The following ANK2 variants were observed in gnomAD, a reference collection of about 807,000 sequenced individuals.
ANK2 encodes ankyrin-2.
Under a neutral mutation model 360.5 loss-of-function variants are expected in ANK2, and 83 were observed. The observed-to-expected ratio is 0.23, with a 90% confidence interval of 0.19 to 0.28. The LOEUF (loss-of-function observed/expected upper bound fraction) is 0.28, where lower values mean the gene tolerates loss of function less well. Ranked by LOEUF, ANK2 falls within the 10% of genes least tolerant of loss-of-function variation. The pLI, the probability that ANK2 is intolerant of heterozygous loss-of-function variation, is 1.00. For missense variants in ANK2, 4,201 were observed against 4,795.7 expected (o/e 0.88, Z 3.66); for synonymous variants, 1,740 against 1,759.5 (o/e 0.99, Z 0.28).
chr4:113,231,175 C>G (rs748505161), intron 4 of ANK2, among the ~76,000 whole-genome samples: 1 of 151,936 alleles, frequency 6.6e-6, no homozygotes, highest in Non-Finnish European at 1.5e-5. Context: ...CCTCAGCCTC[C>G]CGAGTAGCTG....
intron 4 of ANK2, among the ~76,000 whole-genome samples, chr4:113,212,855 T>C (rs1456886506): frequency 1.3e-5 from 2 of 152,246 alleles, no homozygotes; most frequent in African/African-American, 4.8e-5. Context: ...CCATTCTGTA[T>C]GCCCACTGCT....
At chr4:112,926,471 T>C (rs2092570206) in intron 2 of ANK2, among the ~76,000 whole-genome samples, 2 of 152,204 alleles carry the variant, frequency 1.3e-5, no homozygotes, top group East Asian at 3.8e-4. Flanking sequence ...ATTGATTCAA[T>C]TATGTCAGCA....
At chr4:113,072,917 CT>C (rs1023077201) in intron 1 of ANK2, among the ~76,000 whole-genome samples, 2 of 143,996 alleles carry the variant, frequency 1.4e-5, no homozygotes, top group African/African-American at 5.2e-5. Flanking sequence ...ATTAGTAGAC[CT>C]GCTTTTCTTC....
chr4:113,232,166 C>G lies in ANK2; in HGVS notation c.390C>G (p.Gly130=). ...TTTTTATTGCTTGTCCTCAGAATGG[C>G]TTTACTCCTTTATACATGGCTGCCC... The part of the protein sequence containing the change: ...GANINAQSQN[G]FTPLYMAAQE... The change falls in exon 5 of 46, where the codon GGC becomes GGG. Residue 130 remains glycine, a synonymous_variant. Coordinates refer to ENST00000357077, the MANE Select transcript of ANK2 (RefSeq NM_001148.6). 6.3e-7 allele frequency: 1 copy of G among 1,584,948 alleles called. No homozygotes were observed. The highest frequency in any genetic ancestry group is 1.1e-5 in the South Asian group (1 of 90,472).
At chr4:113,348,234 T>C (rs750196330) in intron 35 of ANK2, 42 bp from the exon 36 acceptor site, 1 of 1,602,746 alleles carries the variant, frequency 6.2e-7, no homozygotes, top group Non-Finnish European at 8.5e-7. Flanking sequence ...TACTCTTCCT[T>C]CTCTCTTTTT....
At chr4:113,125,796 G>A (rs756826167) in intron 1 of ANK2, among the ~76,000 whole-genome samples, 11 of 152,272 alleles carry the variant, frequency 7.2e-5, no homozygotes, top group South Asian at 2.1e-4. Context: ...TACCCAAGGA[G>A]CTCATAGACC....
the ANK2 span, among the ~76,000 whole-genome samples, chr4:112,765,986 A>G: frequency 6.6e-6 from 1 of 152,022 alleles, no homozygotes; most frequent in Non-Finnish European, 1.5e-5. Flanking sequence ...TAGTTAACTT[A>G]CTCTCAGCAT....
chr4:112,860,841 G>A (rs1487189270), intron 1 of ANK2, among the ~76,000 whole-genome samples: 1 of 152,092 alleles, frequency 6.6e-6, no homozygotes, highest in Non-Finnish European at 1.5e-5. Flanking sequence ...AGCCATAGGA[G>A]CTGCCAAAGG....
chr4:112,903,409 A>G (rs1395534215), intron 1 of ANK2, among the ~76,000 whole-genome samples: 1 of 152,232 alleles, frequency 6.6e-6, no homozygotes, highest in Non-Finnish European at 1.5e-5. Context: ...ATTCTGCTAT[A>G]ATTGGTCCAG....
At chr4:113,066,188 C>T (rs1338286647) in intron 1 of ANK2, among the ~76,000 whole-genome samples, 1 of 152,152 alleles carries the variant, frequency 6.6e-6, no homozygotes, top group East Asian at 1.9e-4. Context: ...CCCCTCCTCC[C>T]CCCAGCCCCA....
At chr4:112,869,320 C>G (rs971357567) in intron 1 of ANK2, among the ~76,000 whole-genome samples, 2 of 151,740 alleles carry the variant, frequency 1.3e-5, no homozygotes, top group African/African-American at 2.4e-5. Context: ...CTCTGTCACC[C>G]AAGGTGGAGT....
intron 14 of ANK2, among the ~76,000 whole-genome samples, chr4:113,271,001 G>T (rs2058275688): frequency 1.3e-5 from 2 of 152,180 alleles, no homozygotes; most frequent in African/African-American, 4.8e-5. Context: ...GATACCCAGA[G>T]GATTCCTGTG....
intron 1 of ANK2, among the ~76,000 whole-genome samples, chr4:113,056,844 T>A (rs571151187): frequency 6.6e-6 from 1 of 152,212 alleles, no homozygotes; most frequent in Non-Finnish European, 1.5e-5. Context: ...TCATGAGACC[T>A]GGTTTTTATT....
chr4:113,362,903 T>C (rs535733921), intron 39 of ANK2, among the ~76,000 whole-genome samples: 12 of 152,228 alleles, frequency 7.9e-5, no homozygotes, highest in Non-Finnish European at 1.3e-4. Context: ...AACTAGTATT[T>C]ATCAAAGTAT....
chr4:113,254,794 G>A (rs1345522924), intron 10 of ANK2, among the ~76,000 whole-genome samples: 1 of 152,122 alleles, frequency 6.6e-6, no homozygotes, highest in African/African-American at 2.4e-5. Flanking sequence ...TACAATTTCT[G>A]CTTTGTTGAA....
At chr4:113,249,171 T>G (rs2044667316) in intron 9 of ANK2, among the ~76,000 whole-genome samples, 1 of 152,210 alleles carries the variant, frequency 6.6e-6, no homozygotes, top group Admixed American at 6.5e-5. Flanking sequence ...ATGTGATTTC[T>G]AAAATGTTGA....
At chr4:112,803,459 G>T in the ANK2 span, among the ~76,000 whole-genome samples, 1 of 152,034 alleles carries the variant, frequency 6.6e-6, no homozygotes, top group Non-Finnish European at 1.5e-5. Context: ...TTTGAAAATG[G>T]AAGCCTTGAA....
At chr4:113,140,113 G>A (rs190969409) in intron 1 of ANK2, among the ~76,000 whole-genome samples, 2 of 152,142 alleles carry the variant, frequency 1.3e-5, no homozygotes, top group East Asian at 3.9e-4. Flanking sequence ...CAAATAAATT[G>A]TATTGAATGT....
the ANK2 span, chr4:112,796,984 C>G: frequency 1.3e-4 from 21 of 157,952 alleles, no homozygotes; most frequent in Non-Finnish European, 1.3e-4. Flanking sequence ...TGAAAATATA[C>G]CCTCAGGTTA....
Sources: allele counts gnomAD v4.1 joint callset (sites outside exome capture counted in the v4.1 genomes callset), GRCh38; gene constraint gnomAD v4.1.1; transcripts MANE v1.5; gene names NCBI Gene and HGNC (gene_info 2026-07-23, HGNC 2026-07-21).